Variants in GEMIN8 observed in about 807,000 individuals in gnomAD.
GEMIN8 encodes gem-associated protein 8.
For synonymous variants in GEMIN8, 80 were observed against 78.5 expected (o/e 1.02, Z -0.10); for missense variants, 185 against 205.9 (o/e 0.90, Z 0.62).
chrX:14,004,821 C>T (rs1324873677), downstream of GEMIN8, among the ~76,000 whole-genome samples: 2 of 111,587 alleles, frequency 1.8e-5, no homozygotes, highest in Admixed American at 9.5e-5. Context: ...CCTTGGCCTC[C>T]CAAAGTGCTG....
downstream of GEMIN8, among the ~76,000 whole-genome samples, chrX:14,005,342 C>G (rs1401232089): frequency 9.0e-6 from 1 of 111,293 alleles, no homozygotes; most frequent in Non-Finnish European, 1.9e-5. Context: ...TCACTAATGG[C>G]CAATGATTTA....
intron 2 of GEMIN8, among the ~76,000 whole-genome samples, chrX:14,022,430 G>C (rs1924434632): frequency 9.0e-6 from 1 of 111,522 alleles, no homozygotes; most frequent in Non-Finnish European, 1.9e-5. Flanking sequence ...ACTCCATGGA[G>C]TCTCTACTGA....
Position 14,010,231 on chromosome X carries a change from T to C in GEMIN8, c.473-1062A>G, listed in dbSNP as rs989301720. Reference sequence around the variant, plus strand: ...AAGAAGTATCTATTCAATTTACTCTTCCCTCTGTTTTTTACTATGGCAAGT... The same window carrying C: ...AAGAAGTATCTATTCAATTTACTCTCCCCTCTGTTTTTTACTATGGCAAGT... On this transcript the variant is annotated intron_variant, in intron 4 of 4. Transcript: ENST00000680255. Among the ~76,000 whole-genome samples, 4 of 112,413 alleles carry C rather than the reference T, an allele frequency of 3.6e-5. No individual in the cohort carries two copies. The South Asian group carries it at 1.5e-3, about 41-fold the overall frequency.
chrX:14,001,341 C>A, the GEMIN8 span, among the ~76,000 whole-genome samples: 4 of 112,201 alleles, frequency 3.6e-5, no homozygotes, highest in Admixed American at 9.4e-5. Flanking sequence ...AACCATAAAA[C>A]AATTATTATA....
chrX:14,002,097 C>CAAA (rs59550732), downstream of GEMIN8, among the ~76,000 whole-genome samples: 7,425 of 23,556 alleles, frequency 0.32, 1,306 homozygotes, highest in Non-Finnish European at 0.41. Context: ...TGCACTCCAG[C>CAAA]AAAAAAAAAA....
At chrX:14,015,550 TCA>T (rs1195808165) in intron 4 of GEMIN8, among the ~76,000 whole-genome samples, 1 of 111,922 alleles carries the variant, frequency 8.9e-6, no homozygotes, top group Admixed American at 9.5e-5. Context: ...TGAGTAGCAA[TCA>T]CAAAAAAGAA....
intron 4 of GEMIN8, among the ~76,000 whole-genome samples, chrX:14,016,844 CA>C (rs1174566527): frequency 0.021 from 477 of 22,461 alleles, 4 homozygotes; most frequent in Middle Eastern, 0.042. Context: ...GAATCTGTCT[CA>C]AAAAAAAAAA....
At position 14,009,178 on chromosome X, in the gene GEMIN8, A is replaced by G; in HGVS notation, c.473-9T>C. 2 of 1,209,303 alleles carry G rather than the reference A, an allele frequency of 1.7e-6. No individual in the cohort carries two copies. The highest frequency in any genetic ancestry group is 2.2e-6 in the Non-Finnish European group (2 of 893,500). On this transcript the variant is annotated splice_polypyrimidine_tract_variant and intron_variant, in intron 4 of 4. Transcript: ENST00000680255. Reference sequence around the variant, plus strand: ...CAGCTGCTGCTGCCGCCCTGAGAACAAACACGAACGTGAACATGAACATAA... The same window carrying G: ...CAGCTGCTGCTGCCGCCCTGAGAACGAACACGAACGTGAACATGAACATAA...
the GEMIN8 span, among the ~76,000 whole-genome samples, chrX:13,997,858 C>T: frequency 9.9e-6 from 1 of 100,989 alleles, no homozygotes; most frequent in Non-Finnish European, 2.0e-5. Flanking sequence ...GAGATCATGC[C>T]ACTGCACTCC....
chrX:14,011,207 G>A (rs373366593), intron 4 of GEMIN8, among the ~76,000 whole-genome samples: 39 of 111,859 alleles, frequency 3.5e-4, no homozygotes, highest in African/African-American at 1.1e-3. Flanking sequence ...GCTTAGCTTC[G>A]TGCTTTTAGA....
At chrX:14,016,866 A>AAAT (rs1555947311) in intron 4 of GEMIN8, among the ~76,000 whole-genome samples, 47 of 57,168 alleles carry the variant, frequency 8.2e-4, no homozygotes, top group South Asian at 1.2e-3. Flanking sequence ...AAAAAAAAAA[A>AAAT]ATATATATAT....
At chrX:13,998,077 CTTTT>C in the GEMIN8 span, among the ~76,000 whole-genome samples, 1 of 91,696 alleles carries the variant, frequency 1.1e-5, no homozygotes, top group Non-Finnish European at 2.2e-5. Flanking sequence ...ACCATTTTTG[CTTTT>C]TTTTTTTTTT....
chrX:14,014,404 T>C (rs1002015069), intron 4 of GEMIN8: 15 of 751,268 alleles, frequency 2.0e-5, no homozygotes, highest in African/African-American at 9.3e-5. Context: ...CCATGACAAA[T>C]GTAATCCTGA....
At chrX:14,013,739 G>A (rs921903427) in intron 4 of GEMIN8, among the ~76,000 whole-genome samples, 6 of 110,762 alleles carry the variant, frequency 5.4e-5, no homozygotes, top group South Asian at 3.9e-4. Flanking sequence ...TTCAGAGGGC[G>A]TGTGGTCCTG....
At chrX:13,984,361 G>T in the GEMIN8 span, among the ~76,000 whole-genome samples, 1 of 112,378 alleles carries the variant, frequency 8.9e-6, no homozygotes, top group East Asian at 2.8e-4. Context: ...TACAAATTCA[G>T]GGAATGATTT....
At chrX:13,993,127 A>T in the GEMIN8 span, among the ~76,000 whole-genome samples, 1 of 112,445 alleles carries the variant, frequency 8.9e-6, no homozygotes, top group Non-Finnish European at 1.9e-5. Context: ...TTGAACAGAT[A>T]CTATAAACAT....
intron 2 of GEMIN8, chrX:14,025,932 A>T: frequency 7.0e-6 from 2 of 286,425 alleles, no homozygotes; most frequent in Non-Finnish European, 9.4e-6. Flanking sequence ...TAGCTTTTTT[A>T]AGCTGGTTAT....
the GEMIN8 span, among the ~76,000 whole-genome samples, chrX:13,989,054 A>C: frequency 2.6e-4 from 29 of 110,180 alleles, no homozygotes; most frequent in Non-Finnish European, 3.8e-5. Context: ...GCAGGTTGAG[A>C]GTTAAAGCTT....
chrX:14,000,693 A>C, the GEMIN8 span, among the ~76,000 whole-genome samples: 651 of 111,666 alleles, frequency 5.8e-3, 10 homozygotes, highest in East Asian at 0.097. Flanking sequence ...TTATTCTGTA[A>C]GGAAGATTTG....
Sources: allele counts gnomAD v4.1 joint callset (sites outside exome capture counted in the v4.1 genomes callset), GRCh38; gene constraint gnomAD v4.1.1; transcripts MANE v1.5; gene names NCBI Gene and HGNC (gene_info 2026-07-23, HGNC 2026-07-21).